TRIM9: variants seen among roughly 807,000 people sequenced by gnomAD.
The protein encoded by TRIM9 is E3 ubiquitin-protein ligase TRIM9.
TRIM9 carries 26 observed loss-of-function variants against 78.3 expected under a neutral mutation model. That is an observed-to-expected ratio of 0.33 (90% CI 0.24 to 0.46). The LOEUF (loss-of-function observed/expected upper bound fraction) is 0.46. Ranked by LOEUF, TRIM9 falls within the 20% of genes least tolerant of loss-of-function variation. The pLI is 1.00. For synonymous variants in TRIM9, 398 were observed against 416.5 expected (o/e 0.96, Z 0.54); for missense variants, 787 against 1,036.4 (o/e 0.76, Z 3.30).
At chr14:51,079,408 T>C (rs2063103030) in intron 1 of TRIM9, among the ~76,000 whole-genome samples, 1 of 152,236 alleles carries the variant, frequency 6.6e-6, no homozygotes, top group Non-Finnish European at 1.5e-5. Flanking sequence ...TTCCAGGTTC[T>C]ACTAAGTATT....
intron 1 of TRIM9, 113 bp from the exon 2 acceptor site, chr14:51,025,473 G>A: frequency 1.1e-6 from 1 of 907,888 alleles, no homozygotes. Context: ...CTTGTCTGAG[G>A]TTGGACCTTT....
intron 3 of TRIM9, among the ~76,000 whole-genome samples, chr14:51,018,692 G>A (rs10483603): frequency 0.21 from 32,335 of 152,124 alleles, 3,801 homozygotes; most frequent in Non-Finnish European, 0.27. Context: ...TTAATATGAA[G>A]ACTGCGCAAC....
At chr14:50,977,407 TA>T in intron 12 of TRIM9, 54 bp from the exon 13 acceptor site, 1 of 1,367,244 alleles carries the variant, frequency 7.3e-7, no homozygotes, top group East Asian at 2.7e-5. Context: ...CCTGTCCCTT[TA>T]CACAGTGTAC....
At chr14:50,989,336 C>T (rs1269262058) in intron 7 of TRIM9, among the ~76,000 whole-genome samples, 1 of 152,120 alleles carries the variant, frequency 6.6e-6, no homozygotes, top group Non-Finnish European at 1.5e-5. Flanking sequence ...TGCGTTATGC[C>T]CATGGGATGC....
chr14:51,056,736 C>T (rs754709707), intron 1 of TRIM9, among the ~76,000 whole-genome samples: 1 of 152,222 alleles, frequency 6.6e-6, no homozygotes, highest in South Asian at 2.1e-4. Context: ...ATCATAATTG[C>T]AACTGGCCCA....
At chr14:51,031,340 A>T (rs913142583) in intron 1 of TRIM9, among the ~76,000 whole-genome samples, 16 of 152,134 alleles carry the variant, frequency 1.1e-4, no homozygotes, top group African/African-American at 3.6e-4. Flanking sequence ...AGCCTCCCTT[A>T]AGGTACCTGT....
At chr14:51,078,990 T>C (rs1158305023) in intron 1 of TRIM9, among the ~76,000 whole-genome samples, 1 of 152,186 alleles carries the variant, frequency 6.6e-6, no homozygotes, top group Admixed American at 6.5e-5. Context: ...TCCCATAACA[T>C]CATGTTGTAA....
intron 1 of TRIM9, among the ~76,000 whole-genome samples, chr14:51,047,241 T>C (rs1443370518): frequency 6.6e-6 from 1 of 152,204 alleles, no homozygotes. Context: ...AACTCCAATG[T>C]CATCTTTCAA....
chr14:51,050,259 T>C (rs1468866381), intron 1 of TRIM9, among the ~76,000 whole-genome samples: 3 of 152,162 alleles, frequency 2.0e-5, no homozygotes, highest in Non-Finnish European at 1.5e-5. Context: ...TTCCATGTGT[T>C]GTGGGAGGGA....
intron 5 of TRIM9, among the ~76,000 whole-genome samples, chr14:51,008,204 C>T (rs930523675): frequency 2.2e-4 from 33 of 152,158 alleles, no homozygotes; most frequent in African/African-American, 7.7e-4. Flanking sequence ...CATTCTGTAT[C>T]CCGATGCAGT....
At chr14:51,068,348 AAAAC>A (rs2061929601) in intron 1 of TRIM9, among the ~76,000 whole-genome samples, 1 of 133,024 alleles carries the variant, frequency 7.5e-6, no homozygotes, top group Non-Finnish European at 1.7e-5. Flanking sequence ...AACAAAAACA[AAAAC>A]AAAAAACAAA....
intron 7 of TRIM9, among the ~76,000 whole-genome samples, chr14:50,993,881 A>G (rs1308363014): frequency 6.6e-6 from 1 of 152,204 alleles, no homozygotes; most frequent in Non-Finnish European, 1.5e-5. Context: ...TCAGCAGCTC[A>G]GTTTCCCATA....
At chr14:51,038,918 C>A (rs543715237) in intron 1 of TRIM9, among the ~76,000 whole-genome samples, 1 of 152,188 alleles carries the variant, frequency 6.6e-6, no homozygotes, top group Admixed American at 6.5e-5. Flanking sequence ...GTGGTCCATT[C>A]CAGCTTAACT....
intron 5 of TRIM9, 77 bp from the exon 6 acceptor site, chr14:51,000,917 C>T (rs550630212): frequency 1.7e-5 from 27 of 1,556,664 alleles, no homozygotes; most frequent in African/African-American, 5.4e-5. Context: ...AAGCATCCCC[C>T]TGATAAACAC....
intron 6 of TRIM9, among the ~76,000 whole-genome samples, chr14:50,998,859 A>C (rs535067608): frequency 6.6e-6 from 1 of 152,230 alleles, no homozygotes; most frequent in African/African-American, 2.4e-5. Flanking sequence ...AGCTGTACAC[A>C]TTGCAAAATT....
intron 10 of TRIM9, chr14:50,982,731 C>T: frequency 1.9e-6 from 1 of 513,292 alleles, no homozygotes; most frequent in Non-Finnish European, 3.5e-6. Context: ...CTGAAACTAA[C>T]ACGTCAGAAA....
chr14:51,000,290 A>C (rs1334801738), intron 6 of TRIM9, among the ~76,000 whole-genome samples: 1 of 152,222 alleles, frequency 6.6e-6, no homozygotes, highest in Non-Finnish European at 1.5e-5. Flanking sequence ...AGAATTTTGT[A>C]TGAATTATCT....
At chr14:51,003,566 T>C (rs1471262534) in intron 5 of TRIM9, among the ~76,000 whole-genome samples, 1 of 152,062 alleles carries the variant, frequency 6.6e-6, no homozygotes, top group Non-Finnish European at 1.5e-5. Context: ...GTAACTGAAA[T>C]ACATGATGTC....
intron 2 of TRIM9, among the ~76,000 whole-genome samples, chr14:51,024,400 T>G (rs977782953): frequency 6.6e-6 from 1 of 152,066 alleles, no homozygotes; most frequent in Non-Finnish European, 1.5e-5. Flanking sequence ...AAGAAATCAG[T>G]GTGTAATTCT....
Sources: allele counts gnomAD v4.1 joint callset (sites outside exome capture counted in the v4.1 genomes callset), GRCh38; gene constraint gnomAD v4.1.1; transcripts MANE v1.5; gene names NCBI Gene and HGNC (gene_info 2026-07-23, HGNC 2026-07-21).